Variants in HIP1R observed in about 807,000 individuals in gnomAD.
The protein encoded by HIP1R is huntingtin interacting protein 1 related.
HIP1R carries 135 observed loss-of-function variants against 144.2 expected under a neutral mutation model. That is an observed-to-expected ratio of 0.94 (90% CI 0.81 to 1.08). HIP1R has a LOEUF of 1.08. Among genes scored for constraint, HIP1R ranks in the 50% least tolerant of loss-of-function variants. The pLI, the probability that HIP1R is intolerant of heterozygous loss-of-function variation, is 0.00. For missense variants in HIP1R, 1,462 were observed against 1,432.8 expected (o/e 1.02, Z -0.33); for synonymous variants, 698 against 612.8 (o/e 1.14, Z -2.05).
At position 122,861,186 on chromosome 12, in the gene HIP1R, G is replaced by A. The variant is rs771683770; in HGVS notation, c.2946G>A (p.Glu982=). ...SLIKLKKQEM[E]TQVRVLELEK... is the part of the protein sequence containing the mutation. ...TCAAGCTGAAGAAGCAGGAGATGGAGACCCAGGTAGGCGCCCATGGCTGCC... is the reference window on the plus strand; with the variant it reads ...TCAAGCTGAAGAAGCAGGAGATGGAAACCCAGGTAGGCGCCCATGGCTGCC... Residue 982 remains glutamate (E), a synonymous_variant, in exon 30 of 32, where the codon GAG becomes GAA. Transcript: ENST00000253083. 3.2e-6 allele frequency: 5 copies of A among 1,565,850 alleles called. 1 individual carries two copies. In the South Asian group the frequency reaches 4.5e-5, roughly 14 times the overall value.
chr12:122,857,440 G>A (rs372180824), intron 18 of HIP1R: 121 of 604,156 alleles, frequency 2.0e-4, no homozygotes, highest in African/African-American at 8.5e-4. Context: ...GTACTCTGCC[G>A]TGTGGACAGA....
At chr12:122,858,668 C>A (rs2033670722) in intron 20 of HIP1R, among the ~76,000 whole-genome samples, 170 bp from the exon 21 acceptor site, 1 of 152,170 alleles carries the variant, frequency 6.6e-6, no homozygotes, top group African/African-American at 2.4e-5. Context: ...ACTGAAGGGC[C>A]CGGGGCCACA....
At position 122,855,290 on chromosome 12, in the gene HIP1R, C is replaced by T; in HGVS notation, c.878C>T (p.Ser293Leu). The T allele has an allele frequency of 6.2e-7, 1 of 1,612,800 alleles. No homozygotes were observed. The highest frequency in any genetic ancestry group is 8.5e-7 in the Non-Finnish European group (1 of 1,179,914). The change falls in exon 11 of 32, where the codon TCA becomes TTA. Residue 293 changes from serine to leucine, a missense_variant. Coordinates refer to ENST00000253083, the MANE Select transcript of HIP1R (RefSeq NM_003959.3). ...GGACCCCCTAACTTCCTGCGGGCCT[C>T]AGCCCTGGCTGAGCACATCAAGCCG... ...PEGPPNFLRA[S>L]ALAEHIKPVV...
Position 122,857,104 on chromosome 12 carries a change from A to C in HIP1R, c.1704A>C (p.Ala568=), listed in dbSNP as rs1229959272. 1 of 1,551,150 alleles carries C rather than the reference A, an allele frequency of 6.4e-7. No individual in the cohort carries two copies. Among genetic ancestry groups the C allele is most frequent in the East Asian group, 2.4e-5 (1 of 41,060 alleles). Residue 568 remains alanine (A), a synonymous_variant, in exon 18 of 32, where the codon GCA becomes GCC. Transcript: ENST00000253083. ...GTGGAGCTGTGCGGCAGCGGGAGGC[A>C]GACCTGCTGGCGGCGCAGAGCCTGG... ...ALSGAVRQRE[A]DLLAAQSLVR... is the part of the protein sequence containing the mutation.
chr12:122,852,500 G>A (rs949760505), intron 7 of HIP1R, among the ~76,000 whole-genome samples: 7 of 152,198 alleles, frequency 4.6e-5, no homozygotes, highest in Non-Finnish European at 8.8e-5. Context: ...GTGGCCCCAC[G>A]AGGGAAGTGG....
chr12:122,838,129 AGCTTTTTTGACAGGAC>A (rs2032958656), intron 1 of HIP1R, among the ~76,000 whole-genome samples: 1 of 152,030 alleles, frequency 6.6e-6, no homozygotes, highest in Non-Finnish European at 1.5e-5. Context: ...CTTTCCTGTG[AGCTTTTTTGACAGGAC>A]ACACCCTGTT....
rs1364441901 is a variant in HIP1R, at chr12:122,855,919, G to T, written c.1128+16G>T. The T allele has an allele frequency of 2.6e-6, 4 of 1,563,350 alleles. No homozygotes were observed. The highest frequency in any genetic ancestry group is 3.5e-6 in the Non-Finnish European group (4 of 1,153,660). ...CAAGCTGGAGGTGCGGGGTGGGGAT[G>T]GGTGGGGGCCAGGGCCCCTCACGGC... On this transcript the variant is annotated intron_variant, in intron 13 of 31. Transcript: ENST00000253083.
intron 18 of HIP1R, 125 bp from the exon 19 acceptor site, chr12:122,857,977 A>AC (rs974363537): frequency 5.7e-5 from 44 of 769,306 alleles, no homozygotes; most frequent in South Asian, 2.6e-4. Flanking sequence ...AGAAATCTCC[A>AC]CCCCCCTGAC....
intron 1 of HIP1R, among the ~76,000 whole-genome samples, chr12:122,845,497 A>G (rs1030731650): frequency 6.6e-6 from 1 of 152,196 alleles, no homozygotes; most frequent in Non-Finnish European, 1.5e-5. Context: ...CCAGGCGCAC[A>G]GGAGACCATG....
chr12:122,855,852 G>C lies in HIP1R; in HGVS notation c.1077G>C (p.Leu359Phe). 1 of 1,489,312 alleles carries C rather than the reference G, an allele frequency of 6.7e-7. No homozygotes were observed. The highest frequency in any genetic ancestry group is 9.0e-7 in the Non-Finnish European group (1 of 1,107,902). 92.3% of individuals were successfully genotyped at this position (1,489,312 alleles called of 1,614,324 possible). ...KDDRDLQIES[L>F]KREVEMLRSE... The stretch of plus-strand genomic sequence containing the variant: ...CCAGGGACCTCCAGATTGAGAGCTT[G>C]AAGAGAGAGGTGGAAATGCTCCGCT... The change falls in exon 13 of 32, where the codon TTG (leucine) becomes TTC (phenylalanine). Residue 359 changes from leucine to phenylalanine, a missense_variant. Physicochemically the swap from Leu to Phe is conservative, Grantham distance 22. Coordinates refer to ENST00000253083, the MANE Select transcript of HIP1R (RefSeq NM_003959.3).
Position 122,851,245 on chromosome 12 carries a change from C to G in HIP1R, c.525C>G (p.Leu175=). 1.3e-6 allele frequency: 2 copies of G among 1,532,858 alleles called. No individual in the cohort carries two copies. The highest frequency in any genetic ancestry group is 1.7e-6 in the Non-Finnish European group (2 of 1,148,212). The allele number at this position is 1,532,858 out of a possible 1,614,324, so 95.0% of individuals were successfully genotyped here. The part of the protein sequence containing the change: ...AGTDVNNIFQ[L]TVEMFDYMDC... ...CACTTCTCTTGCGTAGCTTCCAGCTCACTGTGGAGATGTTTGATTACATGG... is the reference window on the plus strand; with the variant it reads ...CACTTCTCTTGCGTAGCTTCCAGCTGACTGTGGAGATGTTTGATTACATGG... Residue 175 remains leucine (L), a synonymous_variant, in exon 7 of 32, where the codon CTC becomes CTG. Coordinates refer to ENST00000253083, the MANE Select transcript of HIP1R (RefSeq NM_003959.3).
chr12:122,851,438 C>T, intron 7 of HIP1R, 141 bp downstream of exon 7: 3 of 620,574 alleles, frequency 4.8e-6, no homozygotes, highest in Middle Eastern at 5.1e-4. Context: ...TGGCTCACAT[C>T]TGTAATCCCA....
chr12:122,852,670 C>T (rs75686965), intron 7 of HIP1R, among the ~76,000 whole-genome samples: 5,921 of 152,260 alleles, frequency 0.039, 393 homozygotes, highest in African/African-American at 0.13. Context: ...GAAACACAAA[C>T]GTCCTAAACA....
chr12:122,850,411 G>T, intron 5 of HIP1R: 2 of 272,130 alleles, frequency 7.3e-6, no homozygotes, highest in East Asian at 2.2e-4. Flanking sequence ...TGGCCGCTGG[G>T]TTGGGGGGCC....
chr12:122,856,114 T>G lies in HIP1R; in HGVS notation c.1263T>G (p.Ala421=), dbSNP rs760906116. The change falls in exon 14 of 32, where the codon GCT becomes GCG. Residue 421 remains alanine (A), a synonymous_variant. Transcript: ENST00000253083. ...QLRHELAQLR[A]AQLEGERSQG... ...GCCACGAGCTGGCCCAGCTGAGGGC[T>G]GCCCAGCTGGAGGGCGAGCGGAGCC... is the stretch of plus-strand genomic sequence containing the variant. 10 of 1,588,752 alleles carry G rather than the reference T, an allele frequency of 6.3e-6. No individual in the cohort carries two copies. The South Asian group carries it at 1.0e-4, about 16-fold the overall frequency.
At position 122,856,438 on chromosome 12, in the gene HIP1R, G is replaced by A. The variant is rs1195344507; in HGVS notation, c.1408G>A (p.Asp470Asn). The A allele has an allele frequency of 2.5e-6, 4 of 1,595,148 alleles. No individual in the cohort carries two copies. The highest frequency in any genetic ancestry group is 2.7e-5 in the African/African-American group (2 of 74,748). The change falls in exon 16 of 32, where the codon GAC becomes AAC. Residue 470 changes from aspartate to asparagine, a missense_variant. Physicochemically the swap from Asp to Asn is conservative, Grantham distance 23. Transcript: ENST00000253083. ...VHAELLRKNA[D>N]TAKQLTVTQQ... ...CCTTCCCCTGCCCATGCAGAACGCG[G>A]ACACAGCCAAGCAGCTGACGGTGAC... is the stretch of plus-strand genomic sequence containing the variant.
Position 122,861,194 on chromosome 12 carries a change from T to C in HIP1R, c.2952+2T>C. The C allele has an allele frequency of 6.5e-7, 1 of 1,531,642 alleles. No homozygotes were observed. Among genetic ancestry groups the C allele is most frequent in the Non-Finnish European group, 8.8e-7 (1 of 1,140,552 alleles). The allele number at this position is 1,531,642 out of a possible 1,614,324, so 94.9% of individuals were successfully genotyped here. On this transcript the variant is annotated splice_donor_variant, in intron 30 of 31. Coordinates refer to ENST00000253083, the MANE Select transcript of HIP1R (RefSeq NM_003959.3). LOFTEE classifies it high-confidence loss of function. ...AAGAAGCAGGAGATGGAGACCCAGG[T>C]AGGCGCCCATGGCTGCCCCGTGACC...
chr12:122,859,064 T>C lies in HIP1R; in HGVS notation c.2162T>C (p.Leu721Pro). The change falls in exon 22 of 32, where the codon CTC (leucine) becomes CCC (proline). Residue 721 changes from leucine to proline, a missense_variant. This residue lies in a region of HIP1R where 1,112 missense variants were observed against 1,011.7 expected (regional missense o/e 1.10). Coordinates refer to ENST00000253083, the MANE Select transcript of HIP1R (RefSeq NM_003959.3). ...HLAPTDPADRLIDTCRECGAR... is the reference protein window; with the variant it reads ...HLAPTDPADRPIDTCRECGAR... ...TCACGGTCCTTTCTCACCCCAGGCCTCATAGACACCTGCAGGGAGTGCGGG... is the reference window on the plus strand; with the variant it reads ...TCACGGTCCTTTCTCACCCCAGGCCCCATAGACACCTGCAGGGAGTGCGGG... The C allele has an allele frequency of 1.2e-6, 2 of 1,606,078 alleles. No individual in the cohort carries two copies. Among genetic ancestry groups the C allele is most frequent in the Non-Finnish European group, 1.7e-6 (2 of 1,176,916 alleles).
At chr12:122,854,743 G>T (rs1168117936) in intron 8 of HIP1R, among the ~76,000 whole-genome samples, 162 bp from the exon 9 acceptor site, 1 of 152,108 alleles carries the variant, frequency 6.6e-6, no homozygotes, top group Non-Finnish European at 1.5e-5. Context: ...CCCTCCCACA[G>T]CGTCTCCCAC....
Sources: allele counts gnomAD v4.1 joint callset (sites outside exome capture counted in the v4.1 genomes callset), GRCh38; gene constraint gnomAD v4.1.1; regional missense constraint gnomAD v4.1.1; transcripts MANE v1.5; gene names NCBI Gene and HGNC (gene_info 2026-07-23, HGNC 2026-07-21).